CAB39L: variants seen among roughly 807,000 people sequenced by gnomAD.
CAB39L encodes calcium-binding protein 39-like.
Under a neutral mutation model 39.1 loss-of-function variants are expected in CAB39L, and 23 were observed. The observed-to-expected ratio is 0.59, with a 90% CI of 0.42 to 0.83. CAB39L has a LOEUF of 0.83. CAB39L is among the 40% of genes least tolerant of loss of function. CAB39L has a pLI of 0.00. For synonymous variants in CAB39L, 126 were observed against 137.2 expected (o/e 0.92, Z 0.57); for missense variants, 366 against 391.9 (o/e 0.93, Z 0.56).
At position 49,384,531 on chromosome 13, in the gene CAB39L, G is replaced by A. The variant is rs1175310447; in HGVS notation, c.-31-1590C>T. On this transcript the variant is annotated intron_variant, in intron 3 of 10. Coordinates refer to ENST00000409308, the MANE Select transcript of CAB39L (RefSeq NM_001079670.3). ...CTTTTACAGCAGGTTTTTCTATTAA[G>A]TTTGCCCAGATCCATTAGAGGAATC... Among the ~76,000 whole-genome samples the A allele has an allele frequency of 3.3e-5, 5 of 152,076 alleles. No homozygotes were observed. The East Asian group carries it at 9.6e-4, about 29-fold the overall frequency.
chr13:49,389,286 T>C (rs1417138942), intron 3 of CAB39L, among the ~76,000 whole-genome samples: 1 of 152,192 alleles, frequency 6.6e-6, no homozygotes, highest in Non-Finnish European at 1.5e-5. Context: ...ATTGCAACCT[T>C]ATTTACAATA....
At chr13:49,424,637 T>C (rs1228319223) in intron 3 of CAB39L, among the ~76,000 whole-genome samples, 1 of 152,236 alleles carries the variant, frequency 6.6e-6, no homozygotes, top group Non-Finnish European at 1.5e-5. Flanking sequence ...AAACTGGTTG[T>C]AGGATATATG....
chr13:49,443,898 C>T (rs1248175380), intron 1 of CAB39L, 88 bp downstream of exon 1: 3 of 456,504 alleles, frequency 6.6e-6, no homozygotes, highest in Non-Finnish European at 1.3e-5. Flanking sequence ...CTCTCCGGAC[C>T]CCTCCACTAC....
chr13:49,437,288 C>T lies in CAB39L; in HGVS notation c.-245-3065G>A, dbSNP rs540749307. On this transcript the variant is annotated intron_variant, in intron 1 of 10. Transcript: ENST00000409308. The stretch of plus-strand genomic sequence containing the variant: ...TTGTTTGTTTGTTTTTAATTAATGA[C>T]TCCTTTTTGGGTGGGAGAAATGAGT... Among the ~76,000 whole-genome samples, 361 of 152,202 alleles carry T rather than the reference C, an allele frequency of 2.4e-3. 1 individual carries two copies. The highest frequency in any genetic ancestry group is 4.3e-3 in the Non-Finnish European group (293 of 68,016).
intron 10 of CAB39L, among the ~76,000 whole-genome samples, chr13:49,318,274 C>T (rs1467105933): frequency 6.6e-6 from 1 of 151,106 alleles, no homozygotes; most frequent in African/African-American, 2.4e-5. Flanking sequence ...TCAAGACCAG[C>T]CTGAGCAACA....
At chr13:49,377,781 G>A (rs554588560) in intron 4 of CAB39L, among the ~76,000 whole-genome samples, 3 of 93,126 alleles carry the variant, frequency 3.2e-5, no homozygotes, top group African/African-American at 6.1e-5. Flanking sequence ...GCCTCCCAAA[G>A]TGCCGAGATT....
chr13:49,358,390 A>T (rs1042587493), intron 6 of CAB39L, among the ~76,000 whole-genome samples: 7 of 152,220 alleles, frequency 4.6e-5, no homozygotes, highest in Middle Eastern at 3.2e-3. Context: ...GGTGGCAGTA[A>T]AAAGACTATC....
At chr13:49,323,865 T>C (rs1954424592) in intron 10 of CAB39L, among the ~76,000 whole-genome samples, 3 of 152,160 alleles carry the variant, frequency 2.0e-5, no homozygotes. Flanking sequence ...CTGTTTCAGA[T>C]GAACAATGAG....
At chr13:49,378,216 G>A (rs1264231091) in intron 4 of CAB39L, among the ~76,000 whole-genome samples, 6 of 92,708 alleles carry the variant, frequency 6.5e-5, no homozygotes, top group Non-Finnish European at 8.8e-5. Context: ...CATCTGGGAA[G>A]TGAGGAGCAT....
At position 49,363,259 on chromosome 13, in the gene CAB39L, G is replaced by A. The variant is rs138608672; in HGVS notation, c.277-3427C>T. Among the ~76,000 whole-genome samples the A allele has an allele frequency of 6.9e-3, 1,045 of 152,290 alleles. 8 individuals are homozygous for A. The highest frequency in any genetic ancestry group is 0.023 in the African/African-American group (947 of 41,570). ...CTTGTCTTAAGGAGAAAGACTAAAT[G>A]ATGAACCAACCAAAAATAATAACAA... On this transcript the variant is annotated intron_variant, in intron 5 of 10. Coordinates refer to ENST00000409308, the MANE Select transcript of CAB39L (RefSeq NM_001079670.3).
intron 3 of CAB39L, among the ~76,000 whole-genome samples, chr13:49,419,617 T>C (rs1025207945): frequency 1.3e-5 from 2 of 152,116 alleles, no homozygotes; most frequent in African/African-American, 4.8e-5. Context: ...AAATTCAAAA[T>C]GTAAAATTTC....
At chr13:49,437,149 A>G (rs929621182) in intron 1 of CAB39L, among the ~76,000 whole-genome samples, 2 of 152,172 alleles carry the variant, frequency 1.3e-5, no homozygotes, top group African/African-American at 2.4e-5. Context: ...TCTTCTGTTC[A>G]TCTTGAAATA....
intron 5 of CAB39L, among the ~76,000 whole-genome samples, chr13:49,369,602 T>TC (rs1385756646): frequency 6.6e-6 from 1 of 151,842 alleles, no homozygotes; most frequent in Non-Finnish European, 1.5e-5. Context: ...TTTTTTTTTT[T>TC]TTTGAGACAA....
At chr13:49,326,810 A>T (rs1954516073) in intron 10 of CAB39L, among the ~76,000 whole-genome samples, 1 of 152,110 alleles carries the variant, frequency 6.6e-6, no homozygotes, top group Non-Finnish European at 1.5e-5. Flanking sequence ...CAGAGGATGG[A>T]AATAGGTTAT....
At chr13:49,319,119 CTG>C (rs1337244640) in intron 10 of CAB39L, among the ~76,000 whole-genome samples, 1 of 152,064 alleles carries the variant, frequency 6.6e-6, no homozygotes. Context: ...TGGCAGATGC[CTG>C]TAATCCCAGC....
chr13:49,315,011 G>A (rs1954113720), intron 10 of CAB39L, among the ~76,000 whole-genome samples: 1 of 152,176 alleles, frequency 6.6e-6, no homozygotes. Context: ...TGCTTGTTCT[G>A]AGAACTGATG....
intron 6 of CAB39L, among the ~76,000 whole-genome samples, chr13:49,353,331 T>C (rs1034658200): frequency 5.3e-5 from 8 of 152,216 alleles, no homozygotes; most frequent in Admixed American, 4.6e-4. Context: ...CACTGTCATT[T>C]ATTGATAGAG....
chr13:49,376,888 A>AGAG, intron 5 of CAB39L, 79 bp downstream of exon 5: 1 of 461,974 alleles, frequency 2.2e-6, no homozygotes, highest in Non-Finnish European at 3.2e-6. Flanking sequence ...CAAAAGTTGA[A>AGAG]TAGTAGATAG....
At chr13:49,396,643 G>A (rs1290614835) in intron 3 of CAB39L, among the ~76,000 whole-genome samples, 1 of 152,076 alleles carries the variant, frequency 6.6e-6, no homozygotes, top group Non-Finnish European at 1.5e-5. Context: ...AGAAGGCGGA[G>A]GTTGCAGTGA....
Sources: allele counts gnomAD v4.1 joint callset (sites outside exome capture counted in the v4.1 genomes callset), GRCh38; gene constraint gnomAD v4.1.1; transcripts MANE v1.5; gene names NCBI Gene and HGNC (gene_info 2026-07-23, HGNC 2026-07-21).